Variants in GRM7 observed in about 807,000 individuals in gnomAD.
GRM7 encodes the protein glutamate metabotropic receptor 7.
GRM7 carries 35 observed loss-of-function variants against 84.5 expected under a neutral mutation model. That is an observed-to-expected ratio of 0.41 (90% CI 0.32 to 0.55). The LOEUF is 0.55. GRM7 is among the 20% of genes least tolerant of loss of function. The pLI is 0.19. For synonymous variants in GRM7, 487 were observed against 455.1 expected, an observed-to-expected ratio of 1.07 and a Z score of -0.89; for missense variants, 1,003 against 1,194.6, an observed-to-expected ratio of 0.84 and a Z score of 2.36.
At chr3:7,082,999 T>C (rs1698321330) in intron 1 of GRM7, among the ~76,000 whole-genome samples, 2 of 152,196 alleles carry the variant, frequency 1.3e-5, no homozygotes, top group African/African-American at 4.8e-5. Flanking sequence ...GCTACGAACA[T>C]TGTTGAAATG....
At chr3:7,238,657 G>A (rs530125914) in intron 2 of GRM7, among the ~76,000 whole-genome samples, 18 of 152,178 alleles carry the variant, frequency 1.2e-4, no homozygotes, top group African/African-American at 4.1e-4. Context: ...AAAGTCAGGT[G>A]GGACTGTGGC....
At chr3:6,889,732 T>C (rs573006446) in intron 1 of GRM7, among the ~76,000 whole-genome samples, 109 of 152,236 alleles carry the variant, frequency 7.2e-4, no homozygotes, top group Non-Finnish European at 1.3e-3. Context: ...GGTATCAGAA[T>C]GATGCTGGCC....
intron 1 of GRM7, among the ~76,000 whole-genome samples, chr3:7,033,020 G>A (rs114720796): frequency 0.014 from 2,185 of 152,232 alleles, 55 homozygotes; most frequent in African/African-American, 0.048. Flanking sequence ...TGAAATCAAG[G>A]CATCAATAGA....
chr3:7,632,093 TCAGGA>T (rs1697882632), intron 8 of GRM7, among the ~76,000 whole-genome samples: 1 of 152,130 alleles, frequency 6.6e-6, no homozygotes, highest in Admixed American at 6.5e-5. Context: ...TTTGATCCAC[TCAGGA>T]CAGTAATGCA....
At chr3:7,637,329 G>C (rs895340394) in intron 8 of GRM7, among the ~76,000 whole-genome samples, 1 of 152,132 alleles carries the variant, frequency 6.6e-6, no homozygotes, top group African/African-American at 2.4e-5. Flanking sequence ...CCAAACTCCT[G>C]AAAGATGTGT....
rs550212915 is a variant in GRM7, at chr3:7,065,748, G to A, written c.520-80704G>A. Among the ~76,000 whole-genome samples the A allele has an allele frequency of 3.3e-5, 5 of 151,872 alleles. No homozygotes were observed. The South Asian group carries it at 1.0e-3, about 32-fold the overall frequency. On this transcript the variant is annotated intron_variant, in intron 1 of 9. Coordinates refer to ENST00000357716, the MANE Select transcript of GRM7 (RefSeq NM_000844.4). ...GAAGAATGATGGTGGTCTTCAGATG[G>A]AGATTGCATTGAATTTGTAGATCAC...
intron 2 of GRM7, among the ~76,000 whole-genome samples, chr3:7,228,490 C>T (rs1233241799): frequency 6.6e-6 from 1 of 152,240 alleles, no homozygotes; most frequent in Middle Eastern, 3.4e-3. Flanking sequence ...TGGGTCCTGG[C>T]TTAAGGAACC....
intron 7 of GRM7, among the ~76,000 whole-genome samples, chr3:7,502,678 G>A (rs1036171301): frequency 2.2e-4 from 34 of 152,216 alleles, no homozygotes; most frequent in African/African-American, 7.9e-4. Flanking sequence ...TGTGTGTTCT[G>A]TGTCCTGAGA....
chr3:7,091,781 T>C (rs1698673610), intron 1 of GRM7, among the ~76,000 whole-genome samples: 1 of 137,460 alleles, frequency 7.3e-6, no homozygotes, highest in Admixed American at 7.4e-5. Flanking sequence ...GTTTTAAAAC[T>C]CAGGATAATT....
intron 8 of GRM7, among the ~76,000 whole-genome samples, chr3:7,669,234 G>A (rs2125130785): frequency 6.6e-6 from 1 of 152,276 alleles, no homozygotes; most frequent in Admixed American, 6.5e-5. Context: ...CATCCTATAA[G>A]CGAGTAAAAC....
intron 2 of GRM7, among the ~76,000 whole-genome samples, chr3:7,153,877 AGCCTG>A (rs1694364482): frequency 6.6e-6 from 1 of 152,176 alleles, no homozygotes. Flanking sequence ...TAATGAACAC[AGCCTG>A]GTTAGGGCAT....
At chr3:7,583,013 A>G (rs950167620) in intron 8 of GRM7, among the ~76,000 whole-genome samples, 2 of 152,190 alleles carry the variant, frequency 1.3e-5, no homozygotes, top group African/African-American at 4.8e-5. Context: ...CTTGATTCTT[A>G]ACTTCAGAAC....
intron 2 of GRM7, among the ~76,000 whole-genome samples, chr3:7,234,517 A>G (rs970377231): frequency 1.3e-5 from 2 of 152,242 alleles, no homozygotes; most frequent in African/African-American, 4.8e-5. Context: ...GATCTGGTCC[A>G]TAAAATACCT....
chr3:7,373,440 C>T lies in GRM7; in HGVS notation c.1034-41583C>T, dbSNP rs185579746. 2.6e-4 allele frequency among the ~76,000 whole-genome samples: 40 copies of T among 152,266 alleles called. No individual in the cohort carries two copies. The East Asian group carries it at 7.0e-3, about 26-fold the overall frequency. On this transcript the variant is annotated intron_variant, in intron 4 of 9. Coordinates refer to ENST00000357716, the MANE Select transcript of GRM7 (RefSeq NM_000844.4). The stretch of plus-strand genomic sequence containing the variant: ...ATGTTTAGGCTAAGCTTTAATCCCC[C>T]TTCTGGTGCCTGCTAGGTCTAGCTT...
chr3:6,936,365 A>G (rs1042288127), intron 1 of GRM7, among the ~76,000 whole-genome samples: 1 of 152,084 alleles, frequency 6.6e-6, no homozygotes, highest in African/African-American at 2.4e-5. Flanking sequence ...CAAAGAGCCT[A>G]TTTCTGGATC....
At position 7,558,307 on chromosome 3, in the gene GRM7, T is replaced by TC. The variant is rs550793843; in HGVS notation, c.1516-20114dup. Among the ~76,000 whole-genome samples the TC allele has an allele frequency of 8.5e-5, 13 of 152,268 alleles. No individual in the cohort carries two copies. The South Asian group carries it at 2.7e-3, about 32-fold the overall frequency. The stretch of plus-strand genomic sequence containing the variant: ...TTAATACCTGGCATAGAGTGGATGT[T>TC]CAATAATTATTATTGAAAAGCAAAT... On this transcript the variant is annotated intron_variant, in intron 7 of 9. Transcript: ENST00000357716.
intron 1 of GRM7, among the ~76,000 whole-genome samples, chr3:6,911,522 A>C (rs1395486086): frequency 6.6e-6 from 1 of 152,128 alleles, no homozygotes; most frequent in Non-Finnish European, 1.5e-5. Context: ...TGCATGTTTC[A>C]GAAGTTATTA....
At chr3:7,466,109 T>G (rs1027836554) in intron 7 of GRM7, among the ~76,000 whole-genome samples, 1 of 152,140 alleles carries the variant, frequency 6.6e-6, no homozygotes, top group African/African-American at 2.4e-5. Context: ...CCAAGAAACT[T>G]TATGAAATAC....
At chr3:7,223,525 CAA>C (rs5846499) in intron 2 of GRM7, among the ~76,000 whole-genome samples, 1 of 151,846 alleles carries the variant, frequency 6.6e-6, no homozygotes, top group Admixed American at 6.6e-5. Flanking sequence ...AGTTCTTTAT[CAA>C]AAAAAGCTCC....
Sources: allele counts gnomAD v4.1 joint callset (sites outside exome capture counted in the v4.1 genomes callset), GRCh38; gene constraint gnomAD v4.1.1; transcripts MANE v1.5; gene names NCBI Gene and HGNC (gene_info 2026-07-23, HGNC 2026-07-21).